ZNF860: variants seen among roughly 807,000 people sequenced by gnomAD.
ZNF860 encodes the protein zinc finger protein 860.
For synonymous variants in ZNF860, 206 were observed against 248.9 expected (o/e 0.83, Z 1.62); for missense variants, 641 against 759.2 (o/e 0.84, Z 1.83).
Position 31,989,409 on chromosome 3 carries a change from T to C in ZNF860, c.330T>C (p.His110=). The stretch of plus-strand genomic sequence containing the variant: ...TCCAGAAAATTGGGAAAGATATTCA[T>C]GACTTTGAGTTTCAATGGCAAGAAG... ...FCFQKIGKDI[H]DFEFQWQEDK... is the part of the protein sequence containing the mutation. The change falls in exon 2 of 2, where the codon CAT becomes CAC. Residue 110 remains histidine (H), a synonymous_variant. Coordinates refer to ENST00000360311, the MANE Select transcript of ZNF860 (RefSeq NM_001137674.3). 1.9e-6 allele frequency: 3 copies of C among 1,614,156 alleles called. No homozygotes were observed. Among genetic ancestry groups the C allele is most frequent in the Non-Finnish European group, 2.5e-6 (3 of 1,180,018 alleles).
downstream of ZNF860, among the ~76,000 whole-genome samples, chr3:31,992,586 CCTT>C (rs1699046007): frequency 6.6e-6 from 1 of 152,204 alleles, no homozygotes; most frequent in Non-Finnish European, 1.5e-5. Context: ...CATTGCATCT[CCTT>C]CTCTGACTCT....
At chr3:31,992,056 G>C (rs190584531), downstream of ZNF860, among the ~76,000 whole-genome samples, 64 of 150,134 alleles carry the variant, frequency 4.3e-4, no homozygotes, top group East Asian at 9.5e-3. Flanking sequence ...TGAGGCAGGA[G>C]AATCACTTGA....
At position 31,991,326 on chromosome 3, in the gene ZNF860, T is replaced by C. The variant is rs563496532; in HGVS notation, c.*348T>C. 5.1e-5 allele frequency: 12 copies of C among 233,344 alleles called. No homozygotes were observed. The South Asian group carries it at 1.2e-3, about 23-fold the overall frequency. The allele number at this position is 233,344 out of a possible 1,614,324, so 14.5% of individuals were successfully genotyped here. On this transcript the variant is annotated 3_prime_UTR_variant, in exon 2 of 2. Transcript: ENST00000360311. ...ATAGGGATTTTTATGGGTATTGTGT[T>C]GAATCTAAATCACATTGGGTTATAT...
chr3:32,000,731 A>G, the ZNF860 span, among the ~76,000 whole-genome samples: 4 of 152,140 alleles, frequency 2.6e-5, no homozygotes, highest in South Asian at 4.1e-4. Flanking sequence ...TTCCAAGCCA[A>G]TTTTGAGAGG....
chr3:31,997,546 G>A, the ZNF860 span, among the ~76,000 whole-genome samples: 1,868 of 151,920 alleles, frequency 0.012, 36 homozygotes, highest in African/African-American at 0.042. Context: ...TACAGCCACC[G>A]TGCCAGGGCA....
In ZNF860 at chr3:31,982,293, T is replaced by G. The variant is rs191180102; in HGVS notation, c.-421+391T>G. Among the ~76,000 whole-genome samples the G allele has an allele frequency of 6.0e-3, 918 of 152,304 alleles. 4 individuals carry two copies. The highest frequency in any genetic ancestry group is 0.017 in the Middle Eastern group (5 of 294). On this transcript the variant is annotated intron_variant, in intron 1 of 1. Transcript: ENST00000360311. Reference sequence around the variant, plus strand: ...CTAATATTTTTTGTGAATATAGATATCCATTGTAATCTGAAGTATCAAAAA... The same window carrying G: ...CTAATATTTTTTGTGAATATAGATAGCCATTGTAATCTGAAGTATCAAAAA...
At chr3:31,999,343 A>T in the ZNF860 span, among the ~76,000 whole-genome samples, 6 of 150,448 alleles carry the variant, frequency 4.0e-5, no homozygotes, top group African/African-American at 1.5e-4. Flanking sequence ...GACTTTTCAG[A>T]TAAAAATATC....
chr3:31,990,982 T>G lies in ZNF860; in HGVS notation c.*4T>G. The G allele has an allele frequency of 6.4e-7, 1 of 1,563,856 alleles. No homozygotes were observed. The highest frequency in any genetic ancestry group is 1.7e-4 in the Middle Eastern group (1 of 5,906). ...GCGTGGCAAGGTCTTCAGTTAGAGG[T>G]CACTCCTTGCAAAACATCAGAAAAT... On this transcript the variant is annotated 3_prime_UTR_variant, in exon 2 of 2. Transcript: ENST00000360311.
rs771044548 is a variant in ZNF860, at chr3:31,989,992, C to G, written c.913C>G (p.His305Asp). 4 of 1,614,118 alleles carry G rather than the reference C, an allele frequency of 2.5e-6. No homozygotes were observed. Among genetic ancestry groups the G allele is most frequent in the Non-Finnish European group, 3.4e-6 (4 of 1,179,994 alleles). Residue 305 changes from histidine (H) to aspartate (D), a missense_variant, in exon 2 of 2, where the codon CAT (histidine) becomes GAT (aspartate). His to Asp is a moderately conservative substitution (Grantham distance 81). Coordinates refer to ENST00000360311, the MANE Select transcript of ZNF860 (RefSeq NM_001137674.3). ...FNQQSNLASH[H>D]RLHTGEKPYK... is the part of the protein sequence containing the mutation. ...TCAACAATCAAACCTTGCAAGTCAT[C>G]ATAGACTTCATACTGGAGAGAAACC...
chr3:31,988,146 A>G (rs1364128207), intron 1 of ZNF860, among the ~76,000 whole-genome samples: 1 of 152,204 alleles, frequency 6.6e-6, no homozygotes, highest in Admixed American at 6.5e-5. Context: ...CTCTTTGAAC[A>G]AGAATATCTG....
chr3:32,006,378 A>T, the ZNF860 span, among the ~76,000 whole-genome samples: 1 of 152,154 alleles, frequency 6.6e-6, no homozygotes, highest in Non-Finnish European at 1.5e-5. Context: ...ATGATGTAAA[A>T]ATCTCCCTTT....
In ZNF860 at chr3:31,989,802, T is replaced by C; in HGVS notation, c.723T>C (p.Cys241=). Residue 241 remains cysteine (C), a synonymous_variant, in exon 2 of 2, where the codon TGT becomes TGC. Coordinates refer to ENST00000360311, the MANE Select transcript of ZNF860 (RefSeq NM_001137674.3). ...QCNESGKAFN[C]SSLLRKHQII... is the part of the protein sequence containing the mutation. ...ATGAGAGTGGCAAAGCCTTTAATTG[T>C]AGCTCACTCTTAAGGAAACATCAGA... 7 of 1,614,074 alleles carry C rather than the reference T, an allele frequency of 4.3e-6. No homozygotes were observed. The highest frequency in any genetic ancestry group is 5.9e-6 in the Non-Finnish European group (7 of 1,179,984).
intron 1 of ZNF860, among the ~76,000 whole-genome samples, chr3:31,985,387 C>A (rs1206979129): frequency 6.6e-6 from 1 of 152,066 alleles, no homozygotes; most frequent in African/African-American, 2.4e-5. Flanking sequence ...CATCACAGAC[C>A]ATGTAAAGAT....
intron 1 of ZNF860, among the ~76,000 whole-genome samples, chr3:31,987,356 A>G (rs1249022420): frequency 2.6e-5 from 4 of 152,168 alleles, no homozygotes; most frequent in Admixed American, 2.0e-4. Flanking sequence ...TAATCATTCC[A>G]CTACTGATGA....
chr3:31,983,061 T>C (rs1470782253), intron 1 of ZNF860, among the ~76,000 whole-genome samples: 1 of 152,208 alleles, frequency 6.6e-6, no homozygotes, highest in Non-Finnish European at 1.5e-5. Flanking sequence ...TGAGAAGGTG[T>C]GGAATACAGC....
In ZNF860 at chr3:31,988,937, G is replaced by A. The variant is rs1413801461; in HGVS notation, c.-143G>A. 5.8e-5 allele frequency: 63 copies of A among 1,082,516 alleles called. 1 individual carries two copies. The highest frequency in any genetic ancestry group is 5.6e-4 in the South Asian group (34 of 61,100). The allele number at this position is 1,082,516 out of a possible 1,614,324, so 67.1% of individuals were successfully genotyped here. ...GTGCCTCCAAACCCCGACCCACAGC[G>A]ACTGTGAGATAATCAGTGTTTGTTG... On this transcript the variant is annotated 5_prime_UTR_variant, in exon 2 of 2. Transcript: ENST00000360311.
At position 31,990,230 on chromosome 3, in the gene ZNF860, C is replaced by A. The variant is rs1212999594; in HGVS notation, c.1151C>A (p.Thr384Lys). Residue 384 changes from threonine to lysine, a missense_variant, in exon 2 of 2, where the codon ACA becomes AAA. Physicochemically the swap from Thr to Lys is moderately conservative, Grantham distance 78. Transcript: ENST00000360311. ...ECGKAFSGQS[T>K]LIHHQAIHGI... Reference sequence around the variant, plus strand: ...GGCAAAGCCTTTAGTGGGCAGTCAACACTTATTCACCATCAAGCAATCCAT... The same window carrying A: ...GGCAAAGCCTTTAGTGGGCAGTCAAAACTTATTCACCATCAAGCAATCCAT... The A allele has an allele frequency of 6.2e-7, 1 of 1,613,984 alleles. No homozygotes were observed. Among genetic ancestry groups the A allele is most frequent in the South Asian group, 1.1e-5 (1 of 91,060 alleles).
chr3:31,984,964 C>T (rs1698913539), intron 1 of ZNF860, among the ~76,000 whole-genome samples: 1 of 152,240 alleles, frequency 6.6e-6, no homozygotes, highest in East Asian at 1.9e-4. Context: ...CTAGGCCAGG[C>T]GCGGTGGCTC....
In ZNF860 at chr3:31,990,136, C is replaced by T. The variant is rs547196312; in HGVS notation, c.1057C>T (p.Arg353Cys). The change falls in exon 2 of 2, where the codon CGT becomes TGT. Residue 353 changes from arginine (R) to cysteine (C), a missense_variant. Arg to Cys is a radical substitution (Grantham distance 180, BLOSUM62 -3). Transcript: ENST00000360311. ...KCKVCEKAFR[R>C]DSHLTQHTRI... ...TAAGGTTTGTGAAAAGGCTTTCAGG[C>T]GTGATTCACACCTCACACAACACAC... 3.8e-5 allele frequency: 61 copies of T among 1,611,568 alleles called. No individual in the cohort carries two copies. The highest frequency in any genetic ancestry group is 3.4e-4 in the East Asian group (15 of 44,658).
Sources: gnomAD v4.1 joint callset for allele counts (sites outside exome capture counted in the v4.1 genomes callset) on GRCh38, gnomAD v4.1.1 for gene constraint, MANE v1.5 for transcripts, NCBI Gene and HGNC (gene_info 2026-07-23, HGNC 2026-07-21) for gene names.